The following THADA variants were observed in gnomAD, a reference collection of about 807,000 sequenced individuals.
The protein encoded by THADA is tRNA (32-2'-O)-methyltransferase regulator THADA.
A neutral mutation model predicts 219.8 loss-of-function variants in THADA; 213 were observed. The ratio of observed to expected loss-of-function variants is 0.97; its 90% CI spans 0.87 to 1.09. The LOEUF is 1.09. THADA is among the 50% of genes least tolerant of loss of function. The pLI is 0.00. For missense variants in THADA, 2,956 were observed against 2,311.3 expected (o/e 1.28, Z -5.72); for synonymous variants, 1,018 against 828.9 (o/e 1.23, Z -3.92).
At chr2:43,562,532 C>T (rs1209808325) in intron 15 of THADA, 1 of 152,312 alleles carries the variant, frequency 6.6e-6, no homozygotes, top group Non-Finnish European at 1.5e-5. Flanking sequence ...AGGCATGAGC[C>T]ACCACACCCG....
chr2:43,314,751 T>C (rs190917831), intron 31 of THADA, among the ~76,000 whole-genome samples: 89 of 152,270 alleles, frequency 5.8e-4, no homozygotes, highest in African/African-American at 2.1e-3. Flanking sequence ...TTCTTTCCAT[T>C]CCAGCAGGAA....
At chr2:43,376,720 C>G (rs1252044153) in intron 29 of THADA, among the ~76,000 whole-genome samples, 1 of 152,204 alleles carries the variant, frequency 6.6e-6, no homozygotes, top group Non-Finnish European at 1.5e-5. Context: ...ACACACTTAT[C>G]TCTACCCATC....
chr2:43,399,196 C>T (rs1303872736), intron 28 of THADA, among the ~76,000 whole-genome samples: 1 of 152,132 alleles, frequency 6.6e-6, no homozygotes, highest in Non-Finnish European at 1.5e-5. Context: ...ATTTTTCATC[C>T]AATTAAAAAG....
At chr2:43,438,242 C>A (rs1680374935) in intron 26 of THADA, among the ~76,000 whole-genome samples, 1 of 138,058 alleles carries the variant, frequency 7.2e-6, no homozygotes, top group Non-Finnish European at 1.5e-5. Flanking sequence ...GCGGAGCTTG[C>A]AGTGAGCCGA....
At chr2:43,424,072 T>A (rs921169042) in intron 28 of THADA, among the ~76,000 whole-genome samples, 4 of 152,198 alleles carry the variant, frequency 2.6e-5, no homozygotes, top group African/African-American at 9.7e-5. Context: ...CTGGATTTTT[T>A]AAAAGTTGTA....
chr2:43,360,782 G>T (rs1001654069), intron 29 of THADA, among the ~76,000 whole-genome samples: 4 of 152,308 alleles, frequency 2.6e-5, no homozygotes, highest in Admixed American at 2.6e-4. Flanking sequence ...AGTTCAAAGA[G>T]AAGTTGTTAT....
chr2:43,451,125 T>C (rs1349443817), intron 26 of THADA, among the ~76,000 whole-genome samples: 1 of 152,190 alleles, frequency 6.6e-6, no homozygotes, highest in Non-Finnish European at 1.5e-5. Flanking sequence ...TTTACCACAA[T>C]AAAAAATATG....
At chr2:43,338,259 C>T (rs760752720) in intron 30 of THADA, among the ~76,000 whole-genome samples, 4 of 150,834 alleles carry the variant, frequency 2.7e-5, no homozygotes, top group Non-Finnish European at 5.9e-5. Context: ...CAGGTTCAAG[C>T]GATTCTCCTG....
chr2:43,582,620 A>G (rs1574364298), intron 7 of THADA, among the ~76,000 whole-genome samples: 1 of 123,260 alleles, frequency 8.1e-6, no homozygotes, highest in Admixed American at 8.6e-5. Flanking sequence ...CCCAGGCTGG[A>G]GTGCAGTGGT....
intron 26 of THADA, among the ~76,000 whole-genome samples, chr2:43,456,936 G>C (rs1315622607): frequency 2.0e-5 from 3 of 152,092 alleles, no homozygotes; most frequent in Non-Finnish European, 4.4e-5. Flanking sequence ...GGCATTGAAA[G>C]CATGAATAAA....
At chr2:43,286,120 G>A (rs1174441668) in intron 35 of THADA, among the ~76,000 whole-genome samples, 1 of 152,170 alleles carries the variant, frequency 6.6e-6, no homozygotes, top group Non-Finnish European at 1.5e-5. Flanking sequence ...CCTCCCAGAA[G>A]AGGGGACAGT....
chr2:43,497,609 G>C (rs1343217324), intron 25 of THADA, among the ~76,000 whole-genome samples: 2 of 152,188 alleles, frequency 1.3e-5, no homozygotes, highest in African/African-American at 4.8e-5. Flanking sequence ...ATGACAGGCT[G>C]AGCGTTATGG....
At chr2:43,268,784 T>A (rs1671812929) in intron 36 of THADA, among the ~76,000 whole-genome samples, 1 of 152,206 alleles carries the variant, frequency 6.6e-6, no homozygotes, top group South Asian at 2.1e-4. Flanking sequence ...ATCTGGCTGT[T>A]GGGATGGAAG....
chr2:43,441,299 G>A (rs1359145444), intron 26 of THADA, among the ~76,000 whole-genome samples: 2 of 152,070 alleles, frequency 1.3e-5, no homozygotes, highest in Non-Finnish European at 2.9e-5. Flanking sequence ...CAGCTAAAAG[G>A]CCAGAGTTCT....
At chr2:43,247,350 G>A (rs1384285777) in intron 36 of THADA, among the ~76,000 whole-genome samples, 1 of 152,184 alleles carries the variant, frequency 6.6e-6, no homozygotes, top group Non-Finnish European at 1.5e-5. Context: ...TTGTGATTTG[G>A]TGGAAACAAA....
chr2:43,562,916 G>C (rs1364463872), intron 15 of THADA: 1 of 152,122 alleles, frequency 6.6e-6, no homozygotes, highest in African/African-American at 2.4e-5. Context: ...TAATAGAAAT[G>C]TTCCTACTTT....
intron 21 of THADA, among the ~76,000 whole-genome samples, chr2:43,529,239 A>T (rs994438248): frequency 3.3e-5 from 5 of 152,028 alleles, no homozygotes; most frequent in Admixed American, 2.0e-4. Context: ...TGTAACCTCG[A>T]ACTCCTAGGC....
chr2:43,515,249 T>TATATATA lies in THADA; in HGVS notation c.3375-6476_3375-6470dup, dbSNP rs1402586041. 1.2e-3 allele frequency among the ~76,000 whole-genome samples: 16 copies of TATATATA among 13,566 alleles called. 2 individuals are homozygous for TATATATA. Among genetic ancestry groups the TATATATA allele is most frequent in the Non-Finnish European group, 2.4e-3 (15 of 6,278 alleles). 8.9% of individuals were successfully genotyped at this position (13,566 alleles called of 152,430 possible). On this transcript the variant is annotated intron_variant, in intron 22 of 37. Coordinates refer to ENST00000405975, the MANE Select transcript of THADA (RefSeq NM_022065.5). ...ATATAATATATAATATATAATATAT[T>TATATATA]ATATATAATATATAATATATAATAT...
chr2:43,512,983 G>C (rs570643677), intron 22 of THADA, among the ~76,000 whole-genome samples: 1 of 152,292 alleles, frequency 6.6e-6, no homozygotes, highest in Admixed American at 6.5e-5. Flanking sequence ...CAGATGAGAG[G>C]GAATATATCA....
Sources: gnomAD v4.1 joint callset for allele counts (sites outside exome capture counted in the v4.1 genomes callset) on GRCh38, gnomAD v4.1.1 for gene constraint, MANE v1.5 for transcripts, NCBI Gene and HGNC (gene_info 2026-07-23, HGNC 2026-07-21) for gene names.